Variants in TIAM1 observed in about 807,000 individuals in gnomAD.
TIAM1 encodes the protein TIAM Rac1 associated GEF 1.
Under a neutral mutation model 163.5 loss-of-function variants are expected in TIAM1, and 65 were observed. That is an observed-to-expected ratio of 0.40 (90% confidence interval 0.33 to 0.49). TIAM1 has a LOEUF of 0.49. Ranked by LOEUF, TIAM1 falls within the 20% of genes least tolerant of loss-of-function variation. TIAM1 has a pLI of 0.77. For synonymous variants in TIAM1, 833 were observed against 810.1 expected (o/e 1.03, Z -0.48); for missense variants, 1,789 against 2,044.7 (o/e 0.87, Z 2.41).
intron 1 of TIAM1, among the ~76,000 whole-genome samples, chr21:31,507,917 A>C (rs780046196): frequency 6.6e-6 from 1 of 152,168 alleles, no homozygotes; most frequent in Non-Finnish European, 1.5e-5. Flanking sequence ...TGTGACTGTG[A>C]CCCAACTGGA....
At chr21:31,536,467 C>T (rs1391704901) in intron 1 of TIAM1, among the ~76,000 whole-genome samples, 1 of 152,230 alleles carries the variant, frequency 6.6e-6, no homozygotes, top group African/African-American at 2.4e-5. Flanking sequence ...ATGCAGGAAG[C>T]TGAAGGAAGG....
At chr21:31,242,997 A>C (rs1349373837) in intron 6 of TIAM1, among the ~76,000 whole-genome samples, 3 of 150,416 alleles carry the variant, frequency 2.0e-5, no homozygotes, top group African/African-American at 4.9e-5. Context: ...GACCAGCCTG[A>C]CTAACATGGA....
In TIAM1 at chr21:31,127,855, T is replaced by C. The variant is rs185652421; in HGVS notation, c.4046-703A>G. Among the ~76,000 whole-genome samples, 601 of 152,256 alleles carry C rather than the reference T, an allele frequency of 3.9e-3. 1 individual carries two copies. The highest frequency in any genetic ancestry group is 5.8e-3 in the Non-Finnish European group (393 of 68,030). On this transcript the variant is annotated intron_variant, in intron 25 of 27. Transcript: ENST00000541036. ...TTCATCCGGCCAGGGATACGACAGG[T>C]AAGCCTTTGCTGTCTGTTAAGGGAG...
At chr21:31,335,859 C>T (rs1440032669) in intron 2 of TIAM1, among the ~76,000 whole-genome samples, 4 of 152,182 alleles carry the variant, frequency 2.6e-5, no homozygotes, top group Non-Finnish European at 5.9e-5. Context: ...AGATAACACA[C>T]AGTTCAACTC....
intron 13 of TIAM1, 48 bp downstream of exon 13, chr21:31,195,176 A>T (rs1326907262): frequency 1.4e-6 from 2 of 1,461,708 alleles, no homozygotes; most frequent in Admixed American, 3.4e-5. Flanking sequence ...GCATGCTTAC[A>T]TAAGAAATAC....
At chr21:31,397,497 C>G (rs570344852) in intron 2 of TIAM1, among the ~76,000 whole-genome samples, 53 of 152,220 alleles carry the variant, frequency 3.5e-4, no homozygotes, top group African/African-American at 1.3e-3. Context: ...ACCTGCCACC[C>G]AAAATGAACA....
intron 22 of TIAM1, among the ~76,000 whole-genome samples, 154 bp downstream of exon 22, chr21:31,140,964 C>T (rs2082820017): frequency 1.3e-5 from 2 of 152,198 alleles, no homozygotes; most frequent in African/African-American, 4.8e-5. Flanking sequence ...ACATTGCAGC[C>T]TTGGATAAAG....
chr21:31,182,296 C>T (rs1307708353), intron 15 of TIAM1, 125 bp downstream of exon 15: 2 of 767,050 alleles, frequency 2.6e-6, no homozygotes, highest in Non-Finnish European at 3.9e-6. Flanking sequence ...GCCCATCTTG[C>T]ACACACATTT....
intron 13 of TIAM1, among the ~76,000 whole-genome samples, chr21:31,194,304 A>G (rs2085737087): frequency 6.6e-6 from 1 of 152,152 alleles, no homozygotes; most frequent in Admixed American, 6.5e-5. Context: ...CCAGAGGCTG[A>G]GCTCTGTGGG....
intron 2 of TIAM1, among the ~76,000 whole-genome samples, chr21:31,442,087 A>ATATATATG (rs1273070445): frequency 7.9e-6 from 1 of 127,208 alleles, no homozygotes; most frequent in Non-Finnish European, 1.7e-5. Context: ...ATATATATAT[A>ATATATATG]GAACAATAAG....
At chr21:31,505,225 C>A (rs1309215927) in intron 1 of TIAM1, among the ~76,000 whole-genome samples, 1 of 152,110 alleles carries the variant, frequency 6.6e-6, no homozygotes, top group East Asian at 1.9e-4. Flanking sequence ...AGATAGAGAT[C>A]GTGAATCCAC....
At chr21:31,227,177 G>A (rs979755216) in intron 6 of TIAM1, among the ~76,000 whole-genome samples, 5 of 151,738 alleles carry the variant, frequency 3.3e-5, no homozygotes, top group Non-Finnish European at 7.4e-5. Flanking sequence ...GGCTGGTCTC[G>A]AACTCCTGAC....
At chr21:31,538,142 G>A (rs1485716332) in intron 1 of TIAM1, among the ~76,000 whole-genome samples, 1 of 152,138 alleles carries the variant, frequency 6.6e-6, no homozygotes, top group African/African-American at 2.4e-5. Context: ...TCTATGTGCT[G>A]GTTACATGGT....
chr21:31,327,969 G>A (rs2075550976), intron 2 of TIAM1, among the ~76,000 whole-genome samples: 2 of 151,908 alleles, frequency 1.3e-5, no homozygotes, highest in African/African-American at 2.4e-5. Flanking sequence ...CTGCCCTGAC[G>A]ACCCTCCTCT....
At chr21:31,130,421 C>T (rs2082369758) in intron 24 of TIAM1, 106 bp from the exon 25 acceptor site, 5 of 870,114 alleles carry the variant, frequency 5.7e-6, no homozygotes, top group African/African-American at 3.4e-5. Flanking sequence ...TAACTCTAGG[C>T]GTGCCCAAAG....
chr21:31,542,253 G>A (rs191888947), intron 1 of TIAM1, among the ~76,000 whole-genome samples: 3 of 151,894 alleles, frequency 2.0e-5, no homozygotes, highest in Non-Finnish European at 4.4e-5. Flanking sequence ...GTGAAACTCC[G>A]TCTCTACTAA....
chr21:31,208,619 C>A (rs1262468112), intron 11 of TIAM1, among the ~76,000 whole-genome samples: 1 of 152,138 alleles, frequency 6.6e-6, no homozygotes, highest in Non-Finnish European at 1.5e-5. Context: ...TTTTAGCATC[C>A]ATGTCAGGGC....
intron 2 of TIAM1, among the ~76,000 whole-genome samples, chr21:31,321,027 C>CT (rs1022618862): frequency 4.6e-5 from 7 of 151,844 alleles, no homozygotes; most frequent in African/African-American, 1.5e-4. Context: ...TGGTGTGCAC[C>CT]TGTTGTCCCA....
intron 19 of TIAM1, among the ~76,000 whole-genome samples, chr21:31,149,902 G>A (rs1253461574): frequency 3.3e-5 from 5 of 152,142 alleles, no homozygotes; most frequent in Admixed American, 3.3e-4. Context: ...GAACTATATG[G>A]AGTATTTAGG....
Sources: gnomAD v4.1 joint callset for allele counts (sites outside exome capture counted in the v4.1 genomes callset) on GRCh38, gnomAD v4.1.1 for gene constraint, MANE v1.5 for transcripts, NCBI Gene and HGNC (gene_info 2026-07-23, HGNC 2026-07-21) for gene names.